JAM2: variants seen among roughly 807,000 people sequenced by gnomAD.
JAM2 encodes the protein junctional adhesion molecule B.
A neutral mutation model predicts 42.0 loss-of-function variants in JAM2; 17 were observed. That is an observed-to-expected ratio of 0.40 (90% CI 0.28 to 0.61). The LOEUF is 0.61. Among genes scored for constraint, JAM2 ranks in the 20% least tolerant of loss-of-function variants. The pLI, the probability that JAM2 is intolerant of heterozygous loss-of-function variation, is 0.37. For missense variants in JAM2, 319 were observed against 358.3 expected, an observed-to-expected ratio of 0.89 and a Z score of 0.89; for synonymous variants, 118 against 128.6, an observed-to-expected ratio of 0.92 and a Z score of 0.56.
chr21:25,693,438 T>C (rs11702663), intron 3 of JAM2, among the ~76,000 whole-genome samples: 32,725 of 151,944 alleles, frequency 0.22, 3,643 homozygotes, highest in African/African-American at 0.26. Flanking sequence ...TTTGTATTTT[T>C]AGTAGAGACA....
In JAM2 at chr21:25,655,884, G is replaced by A. The variant is rs147671311; in HGVS notation, c.67+15996G>A. On this transcript the variant is annotated intron_variant, in intron 1 of 9. Transcript: ENST00000480456. ...ATGTTTGAATAGTCCCTTTTAAAAA[G>A]CTATTTATTTAGTCTATTTCCCACT... Among the ~76,000 whole-genome samples the A allele has an allele frequency of 5.3e-5, 8 of 150,278 alleles. No individual in the cohort carries two copies. In the East Asian group the frequency reaches 1.6e-3, roughly 29 times the overall value.
At chr21:25,712,432 G>C (rs753789219) in intron 9 of JAM2, 50 bp downstream of exon 9, 9 of 1,309,014 alleles carry the variant, frequency 6.9e-6, no homozygotes, top group Non-Finnish European at 9.9e-6. Context: ...TGGGGAATAG[G>C]GCAGGGAAAT....
rs2033092096 is a variant in JAM2, at chr21:25,661,646, A to G, written c.67+21758A>G. On this transcript the variant is annotated intron_variant, in intron 1 of 9. Coordinates refer to ENST00000480456, the MANE Select transcript of JAM2 (RefSeq NM_021219.4). ...TTATGTATATAAATTATATGTTTGTATATGTAATGTTTATTATCTATAAAT... is the reference window on the plus strand; with the variant it reads ...TTATGTATATAAATTATATGTTTGTGTATGTAATGTTTATTATCTATAAAT... 3.9e-5 allele frequency among the ~76,000 whole-genome samples: 6 copies of G among 152,020 alleles called. 1 individual carries two copies. The South Asian group carries it at 1.2e-3, about 32-fold the overall frequency.
In JAM2 at chr21:25,668,356, A is replaced by C. The variant is rs138765119; in HGVS notation, c.68-15527A>C. On this transcript the variant is annotated intron_variant, in intron 1 of 9. Transcript: ENST00000480456. ...TTAGATTCCAGAAAGGCAGGACAGAAGCAGGACAGTCAGGAGGCTATTGTA... is the reference window on the plus strand; with the variant it reads ...TTAGATTCCAGAAAGGCAGGACAGACGCAGGACAGTCAGGAGGCTATTGTA... Among the ~76,000 whole-genome samples, 880 of 152,330 alleles carry C rather than the reference A, an allele frequency of 5.8e-3. 17 individuals are homozygous for C. The highest frequency in any genetic ancestry group is 0.02 in the African/African-American group (850 of 41,562).
chr21:25,662,790 AAG>A (rs1422043261), intron 1 of JAM2, among the ~76,000 whole-genome samples: 1 of 152,206 alleles, frequency 6.6e-6, no homozygotes, highest in Non-Finnish European at 1.5e-5. Flanking sequence ...ATTTGATTTG[AAG>A]ACAAAATATG....
intron 4 of JAM2, among the ~76,000 whole-genome samples, chr21:25,694,226 TAC>T (rs768712824): frequency 1.2e-4 from 19 of 152,346 alleles, no homozygotes; most frequent in Admixed American, 2.6e-4. Flanking sequence ...TTTCAGCATA[TAC>T]ACAGTTTCTC....
chr21:25,675,570 G>GGGAAGGAAGGAAGGAAGGAA (rs1205065966), intron 1 of JAM2, among the ~76,000 whole-genome samples: 4 of 146,614 alleles, frequency 2.7e-5, no homozygotes, highest in Non-Finnish European at 6.1e-5. Flanking sequence ...GAAGGAAGGA[G>GGGAAGGAAGGAAGGAAGGAA]GGAAGGAAGG....
At chr21:25,701,901 C>T (rs2034173917) in intron 5 of JAM2, among the ~76,000 whole-genome samples, 1 of 151,322 alleles carries the variant, frequency 6.6e-6, no homozygotes, top group Non-Finnish European at 1.5e-5. Context: ...TCATTGCCTT[C>T]CTAACAGTAC....
intron 4 of JAM2, among the ~76,000 whole-genome samples, chr21:25,697,600 T>A (rs572293743): frequency 4.6e-5 from 7 of 152,220 alleles, no homozygotes; most frequent in Admixed American, 2.6e-4. Flanking sequence ...GTACTGGGCC[T>A]GAAAAAAATA....
At chr21:25,703,549 A>T (rs1389127013) in intron 6 of JAM2, among the ~76,000 whole-genome samples, 2 of 152,194 alleles carry the variant, frequency 1.3e-5, no homozygotes, top group Non-Finnish European at 2.9e-5. Context: ...TTCTTTGTGA[A>T]TTATAACTAT....
chr21:25,713,715 A>G (rs142081236), intron 9 of JAM2, among the ~76,000 whole-genome samples: 96 of 152,358 alleles, frequency 6.3e-4, no homozygotes, highest in African/African-American at 2.2e-3. Flanking sequence ...ATGTTTAATT[A>G]GGGGACAAGA....
chr21:25,684,877 C>T (rs2033715568), intron 2 of JAM2, among the ~76,000 whole-genome samples: 1 of 152,184 alleles, frequency 6.6e-6, no homozygotes, highest in Non-Finnish European at 1.5e-5. Flanking sequence ...GGATTACAAG[C>T]ATGAACAACC....
rs554076245 is a variant in JAM2, at chr21:25,655,897, T to A, written c.67+16009T>A. On this transcript the variant is annotated intron_variant, in intron 1 of 9. Transcript: ENST00000480456. Reference sequence around the variant, plus strand: ...CCCTTTTAAAAAGCTATTTATTTAGTCTATTTCCCACTAATAGTTTTTTTT... The same window carrying A: ...CCCTTTTAAAAAGCTATTTATTTAGACTATTTCCCACTAATAGTTTTTTTT... Among the ~76,000 whole-genome samples, 422 of 149,070 alleles carry A rather than the reference T, an allele frequency of 2.8e-3. 3 individuals are homozygous for A. The highest frequency in any genetic ancestry group is 8.8e-3 in the South Asian group (41 of 4,656).
intron 2 of JAM2, among the ~76,000 whole-genome samples, chr21:25,688,463 C>A (rs2033804516): frequency 6.6e-6 from 1 of 152,222 alleles, no homozygotes; most frequent in Non-Finnish European, 1.5e-5. Context: ...ATCTACAACT[C>A]AAGACTCCGG....
intron 1 of JAM2, among the ~76,000 whole-genome samples, chr21:25,647,838 CAAAT>C (rs2032656380): frequency 6.6e-6 from 1 of 152,122 alleles, no homozygotes. Context: ...ATAATGACCA[CAAAT>C]AAAAAGGGAA....
At chr21:25,709,097 C>A (rs893164290) in intron 7 of JAM2, among the ~76,000 whole-genome samples, 3 of 151,854 alleles carry the variant, frequency 2.0e-5, no homozygotes, top group African/African-American at 4.8e-5. Flanking sequence ...AAAAGCATTC[C>A]ATTTCTCTAA....
At chr21:25,674,258 G>C (rs988532502) in intron 1 of JAM2, among the ~76,000 whole-genome samples, 1 of 152,082 alleles carries the variant, frequency 6.6e-6, no homozygotes, top group African/African-American at 2.4e-5. Context: ...AGCCAGGTGT[G>C]GTGGCACGTG....
intron 3 of JAM2, among the ~76,000 whole-genome samples, chr21:25,690,986 G>C (rs970399141): frequency 6.6e-6 from 1 of 152,156 alleles, no homozygotes; most frequent in African/African-American, 2.4e-5. Context: ...TGATACAGAT[G>C]AAACAAGATA....
chr21:25,695,833 C>T (rs139773414), intron 4 of JAM2, among the ~76,000 whole-genome samples: 12,233 of 145,804 alleles, frequency 0.084, 680 homozygotes, highest in East Asian at 0.3. Context: ...CCAGACCGGG[C>T]GGCGGGGCAG....
Sources: allele counts gnomAD v4.1 joint callset (sites outside exome capture counted in the v4.1 genomes callset), GRCh38; gene constraint gnomAD v4.1.1; transcripts MANE v1.5; gene names NCBI Gene and HGNC (gene_info 2026-07-23, HGNC 2026-07-21).